IPO7: variants seen among roughly 807,000 people sequenced by gnomAD.
IPO7 encodes importin-7.
A neutral mutation model predicts 136.4 loss-of-function variants in IPO7; 13 were observed. That is an observed-to-expected ratio of 0.10 (90% confidence interval 0.06 to 0.15). The LOEUF (loss-of-function observed/expected upper bound fraction) is 0.15. Among genes scored for constraint, IPO7 ranks in the 10% least tolerant of loss-of-function variants. IPO7 has a pLI of 1.00. For synonymous variants in IPO7, 403 were observed against 404.4 expected, an observed-to-expected ratio of 1.00 and a Z score of 0.04; for missense variants, 857 against 1,240.6, an observed-to-expected ratio of 0.69 and a Z score of 4.65.
At chr11:9,428,824 T>C (rs1362415179) in intron 13 of IPO7, 195 bp downstream of exon 13, 2 of 783,690 alleles carry the variant, frequency 2.6e-6, no homozygotes, top group Non-Finnish European at 4.7e-6. Context: ...TGTCTGTCTG[T>C]GTTTTTCATT....
At chr11:9,435,869 A>G (rs1855362087) in intron 19 of IPO7, among the ~76,000 whole-genome samples, 1 of 152,100 alleles carries the variant, frequency 6.6e-6, no homozygotes, top group Non-Finnish European at 1.5e-5. Flanking sequence ...TTTCTTTTTT[A>G]AAGAGAAAAG....
chr11:9,438,293 A>AT lies in IPO7; in HGVS notation c.2695+12dup. On this transcript the variant is annotated intron_variant, in intron 22 of 24. Transcript: ENST00000379719. ...AAGATGATGATGAAACCGGTAAGGG[A>AT]TTTTCAATGGAAGAAGACAAAACTT... The AT allele has an allele frequency of 6.8e-7, 1 of 1,471,798 alleles. No homozygotes were observed. The highest frequency in any genetic ancestry group is 1.4e-5 in the African/African-American group (1 of 72,110). 91.2% of individuals were successfully genotyped at this position (1,471,798 alleles called of 1,614,324 possible).
chr11:9,389,620 A>G (rs983659587), intron 1 of IPO7, among the ~76,000 whole-genome samples: 4 of 152,170 alleles, frequency 2.6e-5, no homozygotes, highest in African/African-American at 9.7e-5. Flanking sequence ...GGTGGATATG[A>G]TCTCCGCATC....
chr11:9,415,672 AC>A (rs1263830472), intron 5 of IPO7, among the ~76,000 whole-genome samples: 1 of 151,996 alleles, frequency 6.6e-6, no homozygotes, highest in East Asian at 1.9e-4. Context: ...CCCTGTCTCT[AC>A]TAAAAATACA....
intron 2 of IPO7, among the ~76,000 whole-genome samples, chr11:9,406,398 A>G (rs1854887619): frequency 6.6e-6 from 1 of 151,914 alleles, no homozygotes. Flanking sequence ...TTTAAATCCA[A>G]ATTTTTACTA....
intron 14 of IPO7, 50 bp downstream of exon 14, chr11:9,429,246 A>C: frequency 6.9e-7 from 1 of 1,456,780 alleles, no homozygotes; most frequent in Non-Finnish European, 9.5e-7. Flanking sequence ...CAGGTGCGGT[A>C]GGTCACACCT....
At chr11:9,393,630 T>C (rs1854667251) in intron 1 of IPO7, among the ~76,000 whole-genome samples, 1 of 152,028 alleles carries the variant, frequency 6.6e-6, no homozygotes, top group Non-Finnish European at 1.5e-5. Flanking sequence ...TGATCCACCC[T>C]CCTCGGCCTC....
At position 9,408,713 on chromosome 11, in the gene IPO7, T is replaced by C. The variant is rs949281165; in HGVS notation, c.320+74T>C. ...GGTTTTTTGTTTTTTGGTTTTTTTTTTTTTTTTTTTTTTTTTTGAGATGGA... is the reference window on the plus strand; with the variant it reads ...GGTTTTTTGTTTTTTGGTTTTTTTTCTTTTTTTTTTTTTTTTTGAGATGGA... On this transcript the variant is annotated intron_variant, in intron 3 of 24. Transcript: ENST00000379719. The C allele has an allele frequency of 1.3e-5, 13 of 999,522 alleles. 1 individual carries two copies. The highest frequency in any genetic ancestry group is 1.8e-5 in the Non-Finnish European group (13 of 734,010). 61.9% of individuals were successfully genotyped at this position (999,522 alleles called of 1,614,324 possible). A position where few individuals can be genotyped will look rare whatever the true frequency, so the allele number is the denominator to read the frequency against.
At chr11:9,411,997 T>C (rs1303589269) in intron 4 of IPO7, among the ~76,000 whole-genome samples, 4 of 152,220 alleles carry the variant, frequency 2.6e-5, no homozygotes, top group Non-Finnish European at 5.9e-5. Context: ...ACTTTTAGTG[T>C]TTAAAGGGAA....
chr11:9,429,574 A>T, intron 14 of IPO7, 100 bp from the exon 15 acceptor site: 1 of 817,862 alleles, frequency 1.2e-6, no homozygotes, highest in Non-Finnish European at 1.9e-6. Context: ...CTTCCTTTTT[A>T]TGTGAAAGTA....
chr11:9,387,285 A>G (rs1259213964), intron 1 of IPO7, among the ~76,000 whole-genome samples: 1 of 152,212 alleles, frequency 6.6e-6, no homozygotes, highest in African/African-American at 2.4e-5. Context: ...AAATTTGTAA[A>G]TGTTATTAAA....
At chr11:9,431,564 A>T (rs1855294722) in intron 16 of IPO7, among the ~76,000 whole-genome samples, 1 of 152,162 alleles carries the variant, frequency 6.6e-6, no homozygotes, top group Admixed American at 6.5e-5. Flanking sequence ...ACATAATGGA[A>T]ATATTCTAAG....
chr11:9,396,109 T>C (rs987124001), intron 1 of IPO7, among the ~76,000 whole-genome samples: 6 of 151,932 alleles, frequency 3.9e-5, no homozygotes, highest in Admixed American at 3.3e-4. Flanking sequence ...AAGTGTTGAG[T>C]GTTGGGCCGG....
chr11:9,412,767 G>C lies in IPO7; in HGVS notation c.480-1488G>C, dbSNP rs557966962. On this transcript the variant is annotated intron_variant, in intron 4 of 24. Coordinates refer to ENST00000379719, the MANE Select transcript of IPO7 (RefSeq NM_006391.3). ...GGATAGCTTGAGCCTGGAAGGTTGA[G>C]GCTTCAGTGAGCCATGATCACCACT... Among the ~76,000 whole-genome samples the C allele has an allele frequency of 2.0e-3, 311 of 151,974 alleles. 2 individuals carry two copies. The highest frequency in any genetic ancestry group is 7.3e-3 in the African/African-American group (303 of 41,454).
chr11:9,404,624 G>C (rs1397991639), intron 2 of IPO7, among the ~76,000 whole-genome samples: 1 of 141,758 alleles, frequency 7.1e-6, no homozygotes, highest in African/African-American at 2.6e-5. Context: ...GTAGTGCGGT[G>C]GCGCGATTTC....
intron 6 of IPO7, among the ~76,000 whole-genome samples, chr11:9,419,559 A>AAAAAATATAT (rs1256216265): frequency 6.0e-5 from 7 of 116,866 alleles, no homozygotes; most frequent in African/African-American, 2.6e-4. Context: ...AAAAAAAAAA[A>AAAAAATATAT]ATATATATAT....
rs770794448 is a variant in IPO7, at chr11:9,429,852, A to G, written c.1752+18A>G. 2 of 1,553,884 alleles carry G rather than the reference A, an allele frequency of 1.3e-6. No individual in the cohort carries two copies. Among genetic ancestry groups the G allele is most frequent in the African/African-American group, 1.4e-5 (1 of 71,890 alleles). On this transcript the variant is annotated intron_variant, in intron 15 of 24. Coordinates refer to ENST00000379719, the MANE Select transcript of IPO7 (RefSeq NM_006391.3). Reference sequence around the variant, plus strand: ...AACATTTGGTATGTTGTTTGAACCTACCATATTTGCAAGCATTTTAATGTA... The same window carrying G: ...AACATTTGGTATGTTGTTTGAACCTGCCATATTTGCAAGCATTTTAATGTA...
At chr11:9,411,499 G>A (rs1192066457) in intron 4 of IPO7, among the ~76,000 whole-genome samples, 1 of 152,176 alleles carries the variant, frequency 6.6e-6, no homozygotes, top group Non-Finnish European at 1.5e-5. Flanking sequence ...TGGGTAGTGA[G>A]GAGACTGCTT....
chr11:9,413,865 T>C (rs567716731), intron 4 of IPO7, among the ~76,000 whole-genome samples: 38 of 151,972 alleles, frequency 2.5e-4, no homozygotes, highest in African/African-American at 8.5e-4. Context: ...CTCATCTATA[T>C]CAATTGATTC....
Sources: allele counts gnomAD v4.1 joint callset (sites outside exome capture counted in the v4.1 genomes callset), GRCh38; gene constraint gnomAD v4.1.1; transcripts MANE v1.5; gene names NCBI Gene and HGNC (gene_info 2026-07-23, HGNC 2026-07-21).